AGBL4: variants seen among roughly 807,000 people sequenced by gnomAD.
AGBL4 encodes the protein cytosolic carboxypeptidase 6.
In AGBL4, 58 loss-of-function variants were observed where a neutral mutation model predicts 66.4. That is an observed-to-expected ratio of 0.87 (90% CI 0.71 to 1.09). AGBL4 has a LOEUF of 1.09. AGBL4 is among the 50% of genes least tolerant of loss of function. AGBL4 has a pLI of 0.00. For missense variants in AGBL4, 579 were observed against 631.0 expected (o/e 0.92, Z 0.88); for synonymous variants, 234 against 222.9 (o/e 1.05, Z -0.44).
intron 4 of AGBL4, among the ~76,000 whole-genome samples, chr1:49,103,847 T>G (rs1037135564): frequency 2.0e-5 from 3 of 152,164 alleles, no homozygotes; most frequent in African/African-American, 7.2e-5. Context: ...CCAAAATCTC[T>G]TTCATCTATG....
At position 49,974,566 on chromosome 1, in the gene AGBL4, A is replaced by G. The variant is rs113203055; in HGVS notation, c.34+49197T>C. On this transcript the variant is annotated intron_variant, in intron 1 of 13. Transcript: ENST00000371839. Reference sequence around the variant, plus strand: ...CATTTTTAAAAATCAAAGTATTAATAAAGCCTAGGAACAGAAATCTGGTAC... The same window carrying G: ...CATTTTTAAAAATCAAAGTATTAATGAAGCCTAGGAACAGAAATCTGGTAC... 1.8e-3 allele frequency among the ~76,000 whole-genome samples: 268 copies of G among 152,310 alleles called. 3 individuals are homozygous for G. The highest frequency in any genetic ancestry group is 6.0e-3 in the African/African-American group (250 of 41,588).
chr1:48,995,758 T>C (rs917331862), intron 5 of AGBL4, among the ~76,000 whole-genome samples: 28 of 152,190 alleles, frequency 1.8e-4, no homozygotes, highest in African/African-American at 4.1e-4. Context: ...AGCTAGACCA[T>C]AGTCACTGAG....
intron 1 of AGBL4, among the ~76,000 whole-genome samples, chr1:49,890,386 G>T (rs6588367): frequency 2.6e-5 from 4 of 151,816 alleles, no homozygotes; most frequent in Non-Finnish European, 5.9e-5. Flanking sequence ...ACTCATTCAG[G>T]GGCCCTTGCA....
At chr1:48,939,793 A>T in intron 5 of AGBL4, among the ~76,000 whole-genome samples, 1 of 152,222 alleles carries the variant, frequency 6.6e-6, no homozygotes, top group Non-Finnish European at 1.5e-5. Context: ...TCTGAATTCA[A>T]CAATGACAAC....
intron 2 of AGBL4, among the ~76,000 whole-genome samples, chr1:49,752,218 A>G (rs1206289516): frequency 6.6e-6 from 1 of 152,182 alleles, no homozygotes; most frequent in East Asian, 1.9e-4. Flanking sequence ...ATTTAGTGCT[A>G]TAAATTTCCC....
intron 1 of AGBL4, among the ~76,000 whole-genome samples, chr1:50,013,374 G>C (rs1033431708): frequency 6.6e-6 from 1 of 152,050 alleles, no homozygotes. Flanking sequence ...AAAAGAATCA[G>C]TCTCATTAGA....
At chr1:49,617,992 T>C (rs1020238740) in intron 3 of AGBL4, among the ~76,000 whole-genome samples, 1 of 152,204 alleles carries the variant, frequency 6.6e-6, no homozygotes, top group African/African-American at 2.4e-5. Flanking sequence ...CTCCTAATGC[T>C]ATCCCTCCCC....
intron 5 of AGBL4, among the ~76,000 whole-genome samples, chr1:49,030,347 G>C (rs563798319): frequency 2.0e-5 from 3 of 152,208 alleles, no homozygotes; most frequent in Non-Finnish European, 2.9e-5. Context: ...ACCAGGAAGT[G>C]GGCCCTCAAC....
the AGBL4 span, among the ~76,000 whole-genome samples, chr1:48,523,284 TC>T: frequency 6.6e-6 from 1 of 152,186 alleles, no homozygotes; most frequent in South Asian, 2.1e-4. Context: ...TCCTCACTTG[TC>T]CCCATCCCCT....
intron 6 of AGBL4, among the ~76,000 whole-genome samples, chr1:48,755,793 C>G (rs539606226): frequency 1.3e-4 from 20 of 152,228 alleles, no homozygotes; most frequent in Non-Finnish European, 1.9e-4. Flanking sequence ...ACTACCCTCT[C>G]CCTACTTCCC....
intron 1 of AGBL4, among the ~76,000 whole-genome samples, chr1:49,928,861 C>T (rs1468412694): frequency 6.6e-6 from 1 of 151,878 alleles, no homozygotes; most frequent in African/African-American, 2.4e-5. Flanking sequence ...AAGACACATG[C>T]ACCCATATGT....
At chr1:49,488,390 T>A (rs1647114124) in intron 3 of AGBL4, among the ~76,000 whole-genome samples, 1 of 151,534 alleles carries the variant, frequency 6.6e-6, no homozygotes, top group Non-Finnish European at 1.5e-5. Context: ...TCTCTTGAAT[T>A]TTTTTATTAA....
intron 5 of AGBL4, among the ~76,000 whole-genome samples, chr1:49,011,682 C>T (rs2149007197): frequency 6.6e-6 from 1 of 152,162 alleles, no homozygotes; most frequent in South Asian, 2.1e-4. Context: ...ACATGTACAC[C>T]ATCGAATCCT....
rs527270118 is a variant in AGBL4, at chr1:49,275,504, C to T, written c.283-29640G>A. ...CCTATATGGCCAATCACTATTGTTA[C>T]TACACTTTATGCAAATAGTCATGCC... On this transcript the variant is annotated intron_variant, in intron 3 of 13. Transcript: ENST00000371839. 2.6e-5 allele frequency among the ~76,000 whole-genome samples: 4 copies of T among 152,242 alleles called. No homozygotes were observed. The East Asian group carries it at 5.8e-4, about 22-fold the overall frequency.
chr1:48,930,645 T>C (rs1357628422), intron 5 of AGBL4, among the ~76,000 whole-genome samples: 1 of 152,208 alleles, frequency 6.6e-6, no homozygotes, highest in African/African-American at 2.4e-5. Flanking sequence ...ATCTGTAGGA[T>C]AAGGAGTTAG....
intron 4 of AGBL4, among the ~76,000 whole-genome samples, chr1:49,059,886 C>G (rs113365586): frequency 6.6e-6 from 1 of 152,312 alleles, no homozygotes; most frequent in Non-Finnish European, 1.5e-5. Flanking sequence ...TACCCAATGT[C>G]TGTACCCCCA....
chr1:49,993,588 C>T (rs958455949), intron 1 of AGBL4, among the ~76,000 whole-genome samples: 3 of 152,132 alleles, frequency 2.0e-5, no homozygotes, highest in Admixed American at 6.5e-5. Flanking sequence ...ACTTGCTGCC[C>T]GGCCCTATGG....
chr1:49,615,075 T>C (rs949133225), intron 3 of AGBL4, among the ~76,000 whole-genome samples: 14 of 152,120 alleles, frequency 9.2e-5, no homozygotes, highest in African/African-American at 3.4e-4. Context: ...AGTAACACAG[T>C]AGCACTTCTG....
chr1:49,284,653 G>A (rs1300364573), intron 3 of AGBL4, among the ~76,000 whole-genome samples: 1 of 152,082 alleles, frequency 6.6e-6, no homozygotes, highest in Non-Finnish European at 1.5e-5. Context: ...ACACACATAG[G>A]GTCAAAATAA....
Sources: allele counts gnomAD v4.1 joint callset (sites outside exome capture counted in the v4.1 genomes callset), GRCh38; gene constraint gnomAD v4.1.1; transcripts MANE v1.5; gene names NCBI Gene and HGNC (gene_info 2026-07-23, HGNC 2026-07-21).